The following TNFSF4 variants were observed in gnomAD, a reference collection of about 807,000 sequenced individuals.
TNFSF4 encodes the protein TNF superfamily member 4.
A neutral mutation model predicts 7.3 loss-of-function variants in TNFSF4; 4 were observed. That is an observed-to-expected ratio of 0.55 (90% CI 0.27 to 1.25). The LOEUF is 1.25. TNFSF4 is among the 50% of genes most tolerant of loss of function. The pLI is 0.12. For synonymous variants in TNFSF4, 76 were observed against 83.7 expected (o/e 0.91, Z 0.50); for missense variants, 181 against 208.8 (o/e 0.87, Z 0.82).
At chr1:173,208,947 A>G (rs1650288500), upstream of TNFSF4, among the ~76,000 whole-genome samples, 1 of 152,170 alleles carries the variant, frequency 6.6e-6, no homozygotes, top group South Asian at 2.1e-4. Flanking sequence ...ACATTTTTAA[A>G]TTACTGTCAA....
At chr1:173,341,724 T>C in the TNFSF4 span, among the ~76,000 whole-genome samples, 49 of 152,318 alleles carry the variant, frequency 3.2e-4, no homozygotes, top group Admixed American at 1.4e-3. Flanking sequence ...TTTAGACAAA[T>C]ACCAGATGAA....
the TNFSF4 span, among the ~76,000 whole-genome samples, chr1:173,273,276 T>A: frequency 6.6e-6 from 1 of 152,184 alleles, no homozygotes; most frequent in African/African-American, 2.4e-5. Context: ...ACCATAAATT[T>A]GATGTTTGTT....
At chr1:173,325,980 A>G in the TNFSF4 span, among the ~76,000 whole-genome samples, 3 of 152,242 alleles carry the variant, frequency 2.0e-5, no homozygotes, top group Admixed American at 2.0e-4. Context: ...TATTCCAATC[A>G]ATAGAAAAAG....
At chr1:173,355,552 T>C in the TNFSF4 span, among the ~76,000 whole-genome samples, 1 of 152,164 alleles carries the variant, frequency 6.6e-6, no homozygotes, top group Non-Finnish European at 1.5e-5. Context: ...TGGAGGGCTG[T>C]CTCCAAAAGA....
At chr1:173,363,026 T>G in the TNFSF4 span, 33,410 of 385,472 alleles carry the variant, frequency 0.087, 1,980 homozygotes, top group East Asian at 0.26. Flanking sequence ...TCTTCAATAA[T>G]AAGTCTATTT....
the TNFSF4 span, among the ~76,000 whole-genome samples, chr1:173,345,940 T>G: frequency 1.3e-5 from 2 of 152,102 alleles, no homozygotes; most frequent in Admixed American, 6.5e-5. Flanking sequence ...AGCCTGTCAT[T>G]TCATTACCCC....
At chr1:173,192,013 C>CA (rs1327368509) in intron 1 of TNFSF4, among the ~76,000 whole-genome samples, 1 of 152,126 alleles carries the variant, frequency 6.6e-6, no homozygotes, top group Admixed American at 6.6e-5. Context: ...CCTGTCTCTA[C>CA]AAAAAATACA....
chr1:173,407,704 G>GTGTGTA, the TNFSF4 span, among the ~76,000 whole-genome samples: 1 of 13,232 alleles, frequency 7.6e-5, no homozygotes, highest in Non-Finnish European at 4.8e-4. Flanking sequence ...ATGTAAATGG[G>GTGTGTA]TGTGTGTGTG....
chr1:173,439,153 G>T, the TNFSF4 span, among the ~76,000 whole-genome samples: 1 of 152,188 alleles, frequency 6.6e-6, no homozygotes, highest in Non-Finnish European at 1.5e-5. Context: ...CTGTATCCCA[G>T]CTGAGCATAT....
chr1:173,211,376 A>G (rs1018584960), upstream of TNFSF4, among the ~76,000 whole-genome samples: 1 of 152,184 alleles, frequency 6.6e-6, no homozygotes, highest in African/African-American at 2.4e-5. Context: ...CCAAGAATCA[A>G]CTTTGAATCA....
chr1:173,203,429 T>C (rs1650036543), intron 1 of TNFSF4, among the ~76,000 whole-genome samples: 1 of 152,240 alleles, frequency 6.6e-6, no homozygotes, highest in African/African-American at 2.4e-5. Flanking sequence ...CCTTTGAAAT[T>C]ATCTTATTTG....
intron 1 of TNFSF4, among the ~76,000 whole-genome samples, chr1:173,201,949 C>T (rs1649959795): frequency 6.6e-6 from 1 of 152,076 alleles, no homozygotes; most frequent in Admixed American, 6.6e-5. Context: ...TATGTAGCTC[C>T]TCTAACCCAA....
the TNFSF4 span, among the ~76,000 whole-genome samples, chr1:173,410,519 G>A: frequency 1.2e-4 from 18 of 152,264 alleles, no homozygotes; most frequent in Admixed American, 1.2e-3. Context: ...GTTGTAAATG[G>A]GTGTCAAGAT....
At chr1:173,231,744 T>A in the TNFSF4 span, among the ~76,000 whole-genome samples, 1 of 152,244 alleles carries the variant, frequency 6.6e-6, no homozygotes, top group African/African-American at 2.4e-5. Context: ...CTACTTAGGC[T>A]GATAAGCAAA....
the TNFSF4 span, among the ~76,000 whole-genome samples, chr1:173,353,185 T>C: frequency 2.0e-5 from 3 of 152,158 alleles, no homozygotes; most frequent in Non-Finnish European, 4.4e-5. Flanking sequence ...GTTACAAAGA[T>C]GATGGGATTA....
the TNFSF4 span, among the ~76,000 whole-genome samples, chr1:173,384,829 A>G: frequency 6.6e-6 from 1 of 152,224 alleles, no homozygotes; most frequent in South Asian, 2.1e-4. Context: ...TCTCATGAAT[A>G]TGTTCTTATA....
the TNFSF4 span, among the ~76,000 whole-genome samples, chr1:173,326,556 A>C: frequency 3.9e-5 from 6 of 152,190 alleles, no homozygotes; most frequent in Non-Finnish European, 2.9e-5. Context: ...GCATTCAATT[A>C]GGAAAAGAGG....
chr1:173,387,866 A>C, the TNFSF4 span, among the ~76,000 whole-genome samples: 20 of 152,232 alleles, frequency 1.3e-4, no homozygotes, highest in Non-Finnish European at 2.4e-4. Flanking sequence ...TTATTCTCAC[A>C]CTAAAAAAAT....
chr1:173,182,951 C>T (rs1649082124), downstream of TNFSF4, among the ~76,000 whole-genome samples: 1 of 152,164 alleles, frequency 6.6e-6, no homozygotes, highest in Non-Finnish European at 1.5e-5. Flanking sequence ...AGGTTGCTGC[C>T]ATGCCAAAAT....
Sources: allele counts gnomAD v4.1 joint callset (sites outside exome capture counted in the v4.1 genomes callset), GRCh38; gene constraint gnomAD v4.1.1; transcripts MANE v1.5; gene names NCBI Gene and HGNC (gene_info 2026-07-23, HGNC 2026-07-21).